DNAH2: variants seen among roughly 807,000 people sequenced by gnomAD.
DNAH2 encodes the protein dynein axonemal heavy chain 2, also known as axonemal beta dynein heavy chain 2.
Under a neutral mutation model 523.5 loss-of-function variants are expected in DNAH2, and 323 were observed. The ratio of observed to expected loss-of-function variants is 0.62; its 90% CI spans 0.56 to 0.68. The LOEUF is 0.68. Among genes scored for constraint, DNAH2 ranks in the 30% least tolerant of loss-of-function variants. The probability of loss-of-function intolerance (pLI) is 0.00; values close to 1 mark genes in which losing one functional copy is unlikely to be tolerated. For synonymous variants in DNAH2, 2,093 were observed against 2,177.4 expected, an observed-to-expected ratio of 0.96 and a Z score of 1.08; for missense variants, 4,907 against 5,701.5, an observed-to-expected ratio of 0.86 and a Z score of 4.49.
intron 39 of DNAH2, 30 bp downstream of exon 39, chr17:7,781,197 G>A (rs374692939): frequency 2.2e-5 from 36 of 1,612,740 alleles, no homozygotes; most frequent in Middle Eastern, 1.6e-4. Flanking sequence ...CTCCCTGACC[G>A]GGTGCTGTGG....
In DNAH2 at chr17:7,818,938, G is replaced by T; in HGVS notation, c.10690G>T (p.Gly3564Cys). The change falls in exon 71 of 86, where the codon GGC becomes TGC. Residue 3564 changes from glycine (G) to cysteine (C), a missense_variant. By Grantham distance (159) the Gly-to-Cys change is radical (BLOSUM62 -3). Around this residue, in one of 3 missense-constraint regions of DNAH2, gnomAD observed 1,851 missense variants for 2,139.4 expected, o/e 0.87. Transcript: ENST00000572933. ...EILRLLNEATGSLLDDVQLVN... is the reference protein window; with the variant it reads ...EILRLLNEATCSLLDDVQLVN... ...CCCTAGGCTGCTGAATGAGGCCACC[G>T]GCTCCCTGCTGGATGATGTGCAGCT... 6.2e-7 allele frequency: 1 copy of T among 1,612,184 alleles called. No homozygotes were observed. Among genetic ancestry groups the T allele is most frequent in the Non-Finnish European group, 8.5e-7 (1 of 1,179,484 alleles).
At chr17:7,802,772 T>A (rs1399226855) in intron 58 of DNAH2, among the ~76,000 whole-genome samples, 3 of 151,940 alleles carry the variant, frequency 2.0e-5, no homozygotes, top group Admixed American at 1.3e-4. Context: ...CAAGTGACTC[T>A]CCTGCCTCAG....
chr17:7,831,072 C>CTA lies in DNAH2; in HGVS notation c.12231-12_12231-11dup. On this transcript the variant is annotated splice_polypyrimidine_tract_variant and intron_variant, in intron 79 of 85. Transcript: ENST00000572933. The surrounding 1 kb of genome is among the most constrained non-coding windows in gnomAD (Gnocchi z 4.2). ...TCCCCACAATGTGGCAGTAATTATG[C>CTA]TATGACTCCCTAGGTTGTCAGCACT... The CTA allele has an allele frequency of 1.2e-6, 2 of 1,609,590 alleles. No homozygotes were observed. The highest frequency in any genetic ancestry group is 1.7e-6 in the Non-Finnish European group (2 of 1,178,564).
chr17:7,745,356 G>A (rs1411877844), intron 12 of DNAH2, among the ~76,000 whole-genome samples: 1 of 152,018 alleles, frequency 6.6e-6, no homozygotes, highest in Non-Finnish European at 1.5e-5. Context: ...AAGAAATGCT[G>A]TGTGTGTGTA....
In DNAH2 at chr17:7,787,978, G is replaced by A. The variant is rs745436380; in HGVS notation, c.6722G>A (p.Trp2241Ter). ...DLGWKPYVQS[W>*]LEKRPKAEVE... ...GGCTGGAAGCCCTATGTTCAGTCAT[G>A]GCTGGAGAAGAGGCCAAAGGTATGA... The change falls in exon 43 of 86, where the codon TGG (tryptophan) becomes TAG (stop). Residue 2241 changes from tryptophan to a stop codon, truncating the protein, a stop_gained. Coordinates refer to ENST00000572933, the MANE Select transcript of DNAH2 (RefSeq NM_020877.5). LOFTEE classifies it high-confidence loss of function. The A allele has an allele frequency of 6.2e-7, 1 of 1,614,212 alleles. No individual in the cohort carries two copies. Among genetic ancestry groups the A allele is most frequent in the Non-Finnish European group, 8.5e-7 (1 of 1,180,026 alleles).
intron 2 of DNAH2, among the ~76,000 whole-genome samples, chr17:7,722,229 G>A (rs2074637499): frequency 6.6e-6 from 1 of 151,384 alleles, no homozygotes; most frequent in Non-Finnish European, 1.5e-5. Context: ...GGTCTCGAAC[G>A]CCTGACTTCG....
chr17:7,754,908 T>C lies in DNAH2; in HGVS notation c.1905-2183T>C. 1 of 552,116 alleles carries C rather than the reference T, an allele frequency of 1.8e-6. No individual in the cohort carries two copies. The highest frequency in any genetic ancestry group is 3.2e-6 in the Non-Finnish European group (1 of 310,180). The allele number at this position is 552,116 out of a possible 1,614,324, so 34.2% of individuals were successfully genotyped here. A position where few individuals can be genotyped will look rare whatever the true frequency, so the allele number is the denominator to read the frequency against. ...AGGACAGGTGCCACCCACCCCGGGC[T>C]GCCGTCTGCATGGGGCTGGGGTCCT... On this transcript the variant is annotated intron_variant, in intron 12 of 85. Transcript: ENST00000572933. The surrounding 1 kb of genome is among the most constrained non-coding windows in gnomAD (Gnocchi z 4.6).
intron 13 of DNAH2, 122 bp downstream of exon 13, chr17:7,757,359 A>C: frequency 1.4e-6 from 1 of 719,102 alleles, no homozygotes; most frequent in Non-Finnish European, 1.8e-6. Flanking sequence ...TTTCCATCTC[A>C]AAAAAAAAAA....
Position 7,777,513 on chromosome 17 carries a change from T to G in DNAH2, c.5126T>G (p.Ile1709Ser). ...TTGACCAAGATCATGCGGCTTAAAA[T>G]TGTGGCTCTGGTGACGATAGAAATT... Reference protein sequence around the residue: ...GNLTKIMRLKIVALVTIEIHA... With the variant: ...GNLTKIMRLKSVALVTIEIHA... The change falls in exon 33 of 86, where the codon ATT (isoleucine) becomes AGT (serine). Residue 1709 changes from isoleucine to serine, a missense_variant. Ile to Ser is a moderately radical substitution (Grantham distance 142). Around this residue, in one of 3 missense-constraint regions of DNAH2, gnomAD observed 2,806 missense variants for 3,190.8 expected, o/e 0.88. Transcript: ENST00000572933. 1.2e-6 allele frequency: 2 copies of G among 1,614,106 alleles called. No individual in the cohort carries two copies. Among genetic ancestry groups the G allele is most frequent in the Non-Finnish European group, 1.7e-6 (2 of 1,180,030 alleles).
At position 7,754,583 on chromosome 17, in the gene DNAH2, TCCACGTG is replaced by T; in HGVS notation, c.1905-2505_1905-2499del. On this transcript the variant is annotated intron_variant, in intron 12 of 85. Transcript: ENST00000572933. The surrounding 1 kb of genome is among the most constrained non-coding windows in gnomAD (Gnocchi z 4.6). ...ACACCAACAATGCCAAGGCCATGAG[TCCACGTG>T]CCGAGGCTCTCAAGGCCCTCGTAAA... 1 of 1,496,538 alleles carries T rather than the reference TCCACGTG, an allele frequency of 6.7e-7. No individual in the cohort carries two copies. The highest frequency in any genetic ancestry group is 1.1e-5 in the South Asian group (1 of 88,720). 92.7% of individuals were successfully genotyped at this position (1,496,538 alleles called of 1,614,324 possible). A position where few individuals can be genotyped will look rare whatever the true frequency, so the allele number is the denominator to read the frequency against.
At position 7,778,433 on chromosome 17, in the gene DNAH2, C is replaced by T. The variant is rs1338791882; in HGVS notation, c.5505C>T (p.Tyr1835=). Residue 1835 remains tyrosine, a synonymous_variant, in exon 35 of 86, where the codon TAC becomes TAT. Transcript: ENST00000572933. ...IVVNCSEGLD[Y]KSMGRMYSGL... ...TCAACTGCTCTGAGGGCCTGGACTA[C>T]AAGTCCATGGGCCGAATGTACTCAG... is the stretch of plus-strand genomic sequence containing the variant. 14 of 1,614,190 alleles carry T rather than the reference C, an allele frequency of 8.7e-6. No homozygotes were observed. The highest frequency in any genetic ancestry group is 1.1e-5 in the Non-Finnish European group (13 of 1,180,038).
rs1419719426 is a variant in DNAH2, at chr17:7,832,793, T to A, written c.12903+38T>A. ...CAAAGTGTGAGGGGGGGATGTATGC[T>A]GGGGCCATGTATGTGTTCTCCTCTT... On this transcript the variant is annotated intron_variant, in intron 83 of 85. Transcript: ENST00000572933. This position sits in a 1 kb window ranked among gnomAD's most constrained non-coding sequence, Gnocchi z 4.3. The A allele has an allele frequency of 6.2e-7, 1 of 1,613,966 alleles. No individual in the cohort carries two copies. The highest frequency in any genetic ancestry group is 8.5e-7 in the Non-Finnish European group (1 of 1,180,004).
chr17:7,808,444 A>G (rs750615212), intron 63 of DNAH2, among the ~76,000 whole-genome samples: 17 of 152,186 alleles, frequency 1.1e-4, no homozygotes, highest in Non-Finnish European at 2.5e-4. Context: ...CCATTATCAA[A>G]AAAATTCAAA....
chr17:7,804,149 ACAG>A, intron 58 of DNAH2, 104 bp from the exon 59 acceptor site: 20 of 1,176,014 alleles, frequency 1.7e-5, no homozygotes, highest in Admixed American at 1.0e-4. Context: ...GTTGGTGGCA[ACAG>A]AAAGGAAGGC....
chr17:7,820,833 A>T (rs1359440823), intron 72 of DNAH2, among the ~76,000 whole-genome samples: 1 of 152,144 alleles, frequency 6.6e-6, no homozygotes, highest in Non-Finnish European at 1.5e-5. Flanking sequence ...TGAAGTCAGG[A>T]GTTCAAGACC....
At chr17:7,727,928 T>C (rs989118048) in intron 4 of DNAH2, among the ~76,000 whole-genome samples, 6 of 152,018 alleles carry the variant, frequency 3.9e-5, no homozygotes, top group African/African-American at 9.6e-5. Flanking sequence ...GAGGTGCTAT[T>C]TGAGCTGGGA....
In DNAH2 at chr17:7,788,004, A is replaced by T. The variant is rs1362755315; in HGVS notation, c.6741+7A>T. The T allele has an allele frequency of 6.2e-7, 1 of 1,613,960 alleles. No individual in the cohort carries two copies. The highest frequency in any genetic ancestry group is 1.1e-5 in the South Asian group (1 of 91,066). On this transcript the variant is annotated splice_region_variant and intron_variant, in intron 43 of 85. Coordinates refer to ENST00000572933, the MANE Select transcript of DNAH2 (RefSeq NM_020877.5). ...GCTGGAGAAGAGGCCAAAGGTATGAAGGGAACTGAGGAGAGGGAAAGTAAC... is the reference window on the plus strand; with the variant it reads ...GCTGGAGAAGAGGCCAAAGGTATGATGGGAACTGAGGAGAGGGAAAGTAAC...
chr17:7,821,119 T>C lies in DNAH2; in HGVS notation c.11016-124T>C, dbSNP rs1384767948. On this transcript the variant is annotated intron_variant, in intron 72 of 85. Coordinates refer to ENST00000572933, the MANE Select transcript of DNAH2 (RefSeq NM_020877.5). This position sits in a 1 kb window ranked among gnomAD's most constrained non-coding sequence, Gnocchi z 5.0. ...TGAGTCCTCAGCTGTTTCCAGGAGGTTAGGATTAGAGGCTGGTGAGGTCCT... is the reference window on the plus strand; with the variant it reads ...TGAGTCCTCAGCTGTTTCCAGGAGGCTAGGATTAGAGGCTGGTGAGGTCCT... 1.5e-6 allele frequency: 2 copies of C among 1,357,986 alleles called. No homozygotes were observed. The highest frequency in any genetic ancestry group is 3.2e-5 in the South Asian group (2 of 63,394). The allele number at this position is 1,357,986 out of a possible 1,614,324, so 84.1% of individuals were successfully genotyped here.
rs1433458526 is a variant in DNAH2 at position 7,818,102 on chromosome 17, G to T, written c.10387+6G>T. On this transcript the variant is annotated splice_donor_region_variant and intron_variant, in intron 68 of 85. Transcript: ENST00000572933. ...CAAATCTGTAGCCCGAATCGGTCAG[G>T]ACAAGTCCCCAAGACCAGCCAAGTG... 1 of 1,610,006 alleles carries T rather than the reference G, an allele frequency of 6.2e-7. No homozygotes were observed. Among genetic ancestry groups the T allele is most frequent in the African/African-American group, 1.3e-5 (1 of 75,034 alleles).
Sources: allele counts gnomAD v4.1 joint callset (sites outside exome capture counted in the v4.1 genomes callset), GRCh38; gene constraint gnomAD v4.1.1; regional missense constraint gnomAD v4.1.1; non-coding constraint Gnocchi (gnomAD v3.1); transcripts MANE v1.5; gene names NCBI Gene and HGNC (gene_info 2026-07-23, HGNC 2026-07-21).